Variants in MET observed in about 807,000 individuals in gnomAD.
MET encodes MET proto-oncogene, receptor tyrosine kinase.
A neutral mutation model predicts 133.1 loss-of-function variants in MET; 48 were observed. The ratio of observed to expected loss-of-function variants is 0.36; its 90% CI spans 0.29 to 0.46. The LOEUF (loss-of-function observed/expected upper bound fraction) is 0.46. Ranked by LOEUF, MET falls within the 20% of genes least tolerant of loss-of-function variation. MET has a pLI of 1.00. For missense variants in MET, 1,442 were observed against 1,695.9 expected (o/e 0.85, Z 2.63); for synonymous variants, 628 against 616.5 (o/e 1.02, Z -0.28).
At chr7:116,786,029 C>T (rs994253237) in intron 19 of MET, among the ~76,000 whole-genome samples, 8 of 152,240 alleles carry the variant, frequency 5.3e-5, no homozygotes, top group Non-Finnish European at 4.4e-5. Context: ...CAATAGACCA[C>T]AGACTGGTTG....
At position 116,672,363 on chromosome 7, in the gene MET, G is replaced by A; in HGVS notation, c.-229G>A. The A allele has an allele frequency of 2.9e-6, 1 of 350,336 alleles. No homozygotes were observed. The highest frequency in any genetic ancestry group is 5.1e-6 in the Non-Finnish European group (1 of 195,050). 21.7% of individuals were successfully genotyped at this position (350,336 alleles called of 1,614,324 possible). On this transcript the variant is annotated 5_prime_UTR_variant, in exon 1 of 21. Transcript: ENST00000397752. Reference sequence around the variant, plus strand: ...GGCGGAGGGAGTGCGGCCGGCGGGCGGGCGGGGCGCTGGGCTCAGCCCGGC... The same window carrying A: ...GGCGGAGGGAGTGCGGCCGGCGGGCAGGCGGGGCGCTGGGCTCAGCCCGGC...
rs1554396571 is a variant in MET at position 116,763,129 on chromosome 7, T to C, written c.2444T>C (p.Leu815Pro). The change falls in exon 11 of 21, where the codon CTG becomes CCG. Residue 815 changes from leucine to proline, a missense_variant. Around this residue, in one of 6 missense-constraint regions of MET, gnomAD observed 514 missense variants for 659.6 expected, o/e 0.78. Transcript: ENST00000397752. Reference sequence around the variant, plus strand: ...CAACAGCTGAATCTGCAACTCCCCCTGAAAACCAAAGCCTTTTTCATGTTA... The same window carrying C: ...CAACAGCTGAATCTGCAACTCCCCCCGAAAACCAAAGCCTTTTTCATGTTA... ...SLQQLNLQLP[L>P]KTKAFFMLDG... 6.2e-7 allele frequency: 1 copy of C among 1,614,076 alleles called. No homozygotes were observed. Among genetic ancestry groups the C allele is most frequent in the Non-Finnish European group, 8.5e-7 (1 of 1,179,968 alleles).
rs1180714899 is a variant in MET at position 116,758,579 on chromosome 7, T to C, written c.2223T>C (p.Asp741=). 1 of 1,613,654 alleles carries C rather than the reference T, an allele frequency of 6.2e-7. No individual in the cohort carries two copies. Among genetic ancestry groups the C allele is most frequent in the Non-Finnish European group, 8.5e-7 (1 of 1,179,830 alleles). ...RETSIFSYRE[D]PIVYEIHPTK... is the part of the protein sequence containing the mutation. ...CAAGCATCTTCAGTTACCGTGAAGA[T>C]CCCATTGTCTATGAAATTCATCCAA... Residue 741 remains aspartate (D), a synonymous_variant, in exon 9 of 21, where the codon GAT becomes GAC. Transcript: ENST00000397752.
intron 12 of MET, among the ~76,000 whole-genome samples, chr7:116,770,877 G>A (rs965646302): frequency 6.6e-6 from 1 of 152,148 alleles, no homozygotes. Flanking sequence ...TTATAAAATG[G>A]AAAAACACAC....
intron 1 of MET, among the ~76,000 whole-genome samples, chr7:116,689,834 G>T (rs940156877): frequency 3.1e-4 from 47 of 152,030 alleles, no homozygotes; most frequent in African/African-American, 1.1e-3. Flanking sequence ...TGCTGGGATT[G>T]CTGGCGTGAG....
chr7:116,778,028 C>T (rs1270397095), intron 16 of MET, among the ~76,000 whole-genome samples: 4 of 152,164 alleles, frequency 2.6e-5, no homozygotes, highest in Admixed American at 6.5e-5. Flanking sequence ...CTTTTTAATG[C>T]TGGAACATTA....
At chr7:116,676,567 G>C (rs541148448) in intron 1 of MET, among the ~76,000 whole-genome samples, 1 of 152,306 alleles carries the variant, frequency 6.6e-6, no homozygotes, top group Non-Finnish European at 1.5e-5. Flanking sequence ...GTCAGGTGAT[G>C]ATAATAGCTT....
intron 1 of MET, among the ~76,000 whole-genome samples, chr7:116,674,589 A>C (rs1361989102): frequency 6.6e-6 from 1 of 152,230 alleles, no homozygotes; most frequent in African/African-American, 2.4e-5. Context: ...TGGTCATCTC[A>C]AAACAACGTG....
chr7:116,766,286 A>T (rs1794625474), intron 11 of MET, among the ~76,000 whole-genome samples: 1 of 152,186 alleles, frequency 6.6e-6, no homozygotes, highest in Non-Finnish European at 1.5e-5. Flanking sequence ...GAGAATAAAG[A>T]TGCTTCAAAT....
chr7:116,676,415 T>G (rs1049987046), intron 1 of MET, among the ~76,000 whole-genome samples: 2 of 152,216 alleles, frequency 1.3e-5, no homozygotes, highest in Non-Finnish European at 1.5e-5. Context: ...TTCAGGACAA[T>G]TTTTTGACAA....
intron 15 of MET, among the ~76,000 whole-genome samples, chr7:116,776,841 T>C (rs1464710536): frequency 1.3e-5 from 2 of 152,238 alleles, no homozygotes; most frequent in Admixed American, 1.3e-4. Flanking sequence ...TCTGGGCAAC[T>C]GCCTTTCAGT....
At chr7:116,734,654 T>C (rs1476907147) in intron 3 of MET, among the ~76,000 whole-genome samples, 2 of 152,330 alleles carry the variant, frequency 1.3e-5, no homozygotes, top group East Asian at 3.9e-4. Flanking sequence ...GATTTAAAAA[T>C]AATTTTTATT....
At position 116,731,877 on chromosome 7, in the gene MET, G is replaced by T; in HGVS notation, c.1392+18G>T. 1 of 1,612,358 alleles carries T rather than the reference G, an allele frequency of 6.2e-7. No homozygotes were observed. The highest frequency in any genetic ancestry group is 1.1e-5 in the South Asian group (1 of 91,052). On this transcript the variant is annotated intron_variant, in intron 3 of 20. Coordinates refer to ENST00000397752, the MANE Select transcript of MET (RefSeq NM_000245.4). ...TCATGCAGGTAAGTGCTTTCTGAGAGTAGCTGTGTCTGTTCTATCTGGTAT... is the reference window on the plus strand; with the variant it reads ...TCATGCAGGTAAGTGCTTTCTGAGATTAGCTGTGTCTGTTCTATCTGGTAT...
rs182437939 is a variant in MET, at chr7:116,783,277, G to T, written c.3633-27G>T. ...TTGTAAATTATTCTATTTCAGCCAC[G>T]GGTAATAATTTTTGTCCTTTCTGTA... On this transcript the variant is annotated intron_variant, in intron 18 of 20. Coordinates refer to ENST00000397752, the MANE Select transcript of MET (RefSeq NM_000245.4). 59 of 1,613,650 alleles carry T rather than the reference G, an allele frequency of 3.7e-5. No homozygotes were observed. The East Asian group carries it at 1.2e-3, about 32-fold the overall frequency.
chr7:116,790,654 T>C (rs1488319546), intron 19 of MET, among the ~76,000 whole-genome samples: 1 of 152,236 alleles, frequency 6.6e-6, no homozygotes, highest in East Asian at 1.9e-4. Flanking sequence ...GATCATATGG[T>C]AATTTTATTT....
intron 5 of MET, among the ~76,000 whole-genome samples, chr7:116,748,395 G>A (rs577476417): frequency 6.6e-6 from 1 of 152,322 alleles, no homozygotes; most frequent in East Asian, 1.9e-4. Context: ...AATTAAGGCA[G>A]AAATAAATAA....
chr7:116,723,912 T>C (rs1190275940), intron 2 of MET, among the ~76,000 whole-genome samples: 1 of 152,260 alleles, frequency 6.6e-6, no homozygotes, highest in Non-Finnish European at 1.5e-5. Flanking sequence ...CATTTAAGTC[T>C]GCAGAGGTTA....
chr7:116,741,223 G>T (rs142880865), intron 5 of MET, 198 bp downstream of exon 5: 68 of 634,982 alleles, frequency 1.1e-4, no homozygotes, highest in Non-Finnish European at 1.6e-4. Flanking sequence ...CGGGCAGGGA[G>T]GGGGTGGTGT....
At chr7:116,793,177 CTTTT>C (rs551063692) in intron 19 of MET, among the ~76,000 whole-genome samples, 1 of 141,878 alleles carries the variant, frequency 7.0e-6, no homozygotes. Flanking sequence ...AACGCACTTT[CTTTT>C]TTTTTTTTTT....
Sources: allele counts gnomAD v4.1 joint callset (sites outside exome capture counted in the v4.1 genomes callset), GRCh38; gene constraint gnomAD v4.1.1; regional missense constraint gnomAD v4.1.1; transcripts MANE v1.5; gene names NCBI Gene and HGNC (gene_info 2026-07-23, HGNC 2026-07-21).